PGM5: variants seen among roughly 807,000 people sequenced by gnomAD.
The protein encoded by PGM5 is phosphoglucomutase-like protein 5.
Under a neutral mutation model 59.2 loss-of-function variants are expected in PGM5, and 23 were observed. That is an observed-to-expected ratio of 0.39 (90% CI 0.28 to 0.55). PGM5 has a LOEUF of 0.55. PGM5 is among the 20% of genes least tolerant of loss of function. PGM5 has a pLI of 0.66. For missense variants in PGM5, 574 were observed against 748.3 expected, an observed-to-expected ratio of 0.77 and a Z score of 2.72; for synonymous variants, 214 against 286.0, an observed-to-expected ratio of 0.75 and a Z score of 2.54.
At chr9:68,418,171 GT>G (rs1385275824) in intron 6 of PGM5, among the ~76,000 whole-genome samples, 3 of 152,092 alleles carry the variant, frequency 2.0e-5, no homozygotes, top group African/African-American at 7.2e-5. Flanking sequence ...ATTCCATTTT[GT>G]TTGTTGAATT....
chr9:68,403,781 T>C (rs554839514), intron 6 of PGM5, among the ~76,000 whole-genome samples: 67 of 151,688 alleles, frequency 4.4e-4, no homozygotes, highest in Non-Finnish European at 9.0e-4. Flanking sequence ...GGTGTGGGGG[T>C]AGGGGTGGGG....
chr9:68,446,563 G>A (rs565350992), intron 6 of PGM5, among the ~76,000 whole-genome samples: 111 of 152,334 alleles, frequency 7.3e-4, no homozygotes, highest in African/African-American at 2.0e-3. Context: ...CGTGCTGTGC[G>A]TGTCTCTGTG....
At chr9:68,407,527 A>G (rs1341031736) in intron 6 of PGM5, among the ~76,000 whole-genome samples, 3 of 152,218 alleles carry the variant, frequency 2.0e-5, no homozygotes, top group Admixed American at 1.3e-4. Flanking sequence ...TAGAACACAT[A>G]TAGGACCCTA....
At chr9:68,386,318 A>G (rs1196199742) in intron 3 of PGM5, among the ~76,000 whole-genome samples, 2 of 152,140 alleles carry the variant, frequency 1.3e-5, no homozygotes, top group Admixed American at 1.3e-4. Flanking sequence ...GTTAATTTTT[A>G]ATTACTTCAT....
intron 6 of PGM5, among the ~76,000 whole-genome samples, chr9:68,453,418 A>T (rs541731037): frequency 6.6e-6 from 1 of 152,320 alleles, no homozygotes; most frequent in South Asian, 2.1e-4. Flanking sequence ...AGCTAACTGC[A>T]GCCTTGAACT....
intron 2 of PGM5, among the ~76,000 whole-genome samples, chr9:68,379,434 G>T (rs1244713247): frequency 1.3e-5 from 2 of 152,098 alleles, no homozygotes; most frequent in Non-Finnish European, 2.9e-5. Context: ...ATCCAAACAA[G>T]AAAGTGTATT....
intron 1 of PGM5, chr9:68,357,721 A>T (rs1181107541): frequency 5.5e-6 from 2 of 363,034 alleles, no homozygotes; most frequent in African/African-American, 4.4e-5. Context: ...ACATTCTCTT[A>T]CCCGGCCCTG....
intron 10 of PGM5, among the ~76,000 whole-genome samples, chr9:68,520,089 C>CAAA (rs34710126): frequency 8.5e-5 from 11 of 129,162 alleles, no homozygotes; most frequent in African/African-American, 2.1e-4. Context: ...GACCCTGTCT[C>CAAA]AAAAAAAAAA....
rs186473188 is a variant in PGM5 at position 68,421,160 on chromosome 9, C to A, written c.1043+28687C>A. Among the ~76,000 whole-genome samples, 3 of 152,336 alleles carry A rather than the reference C, an allele frequency of 2.0e-5. 1 individual carries two copies. The highest frequency in any genetic ancestry group is 3.9e-4 in the East Asian group (2 of 5,172). On this transcript the variant is annotated intron_variant, in intron 6 of 10. Transcript: ENST00000396396. Reference sequence around the variant, plus strand: ...AGACGAGGTGTGTACTGATCATTTTCACATTTGCACTCTGCCCCGTTCACT... The same window carrying A: ...AGACGAGGTGTGTACTGATCATTTTAACATTTGCACTCTGCCCCGTTCACT...
intron 6 of PGM5, among the ~76,000 whole-genome samples, chr9:68,415,813 A>G (rs1554681934): frequency 1.6e-5 from 2 of 126,250 alleles, no homozygotes. Flanking sequence ...CTATCTATCT[A>G]TCTTATCTAT....
At chr9:68,507,561 C>T (rs138330909) in intron 10 of PGM5, among the ~76,000 whole-genome samples, 44 of 150,294 alleles carry the variant, frequency 2.9e-4, no homozygotes, top group African/African-American at 1.0e-3. Context: ...ATGTGTCAGC[C>T]TTAAAATTTT....
intron 1 of PGM5, among the ~76,000 whole-genome samples, chr9:68,376,530 T>G (rs1278145544): frequency 1.3e-5 from 2 of 149,876 alleles, no homozygotes; most frequent in African/African-American, 4.9e-5. Context: ...TGTGTTTTGA[T>G]CTCTTCTGTA....
chr9:68,366,852 A>G (rs537207863), intron 1 of PGM5, among the ~76,000 whole-genome samples: 87 of 152,368 alleles, frequency 5.7e-4, no homozygotes, highest in African/African-American at 2.0e-3. Context: ...ATTTATTCAT[A>G]TAACACAATT....
chr9:68,381,640 G>A (rs28879098), intron 2 of PGM5, among the ~76,000 whole-genome samples: 39,063 of 145,508 alleles, frequency 0.27, 5,365 homozygotes, highest in Admixed American at 0.34. Context: ...TTCTACACAT[G>A]CACACACACA....
intron 9 of PGM5, 127 bp downstream of exon 9, chr9:68,484,175 A>C: frequency 1.3e-6 from 1 of 752,888 alleles, no homozygotes; most frequent in Non-Finnish European, 2.2e-6. Flanking sequence ...CTGTGCAGCC[A>C]GGAAAGAGGA....
chr9:68,401,620 G>C (rs1443554342), intron 6 of PGM5, among the ~76,000 whole-genome samples: 1 of 151,260 alleles, frequency 6.6e-6, no homozygotes, highest in Non-Finnish European at 1.5e-5. Flanking sequence ...TCCAGTCTCA[G>C]TGCCACCCAG....
In PGM5 at chr9:68,437,579, A is replaced by T. The variant is rs191223704; in HGVS notation, c.1044-27514A>T. ...ATTTTTCAAAGGGACACACACACTC[A>T]CACACACACACACACACACACTCTC... is the stretch of plus-strand genomic sequence containing the variant. On this transcript the variant is annotated intron_variant, in intron 6 of 10. Transcript: ENST00000396396. This position sits in a 1 kb window ranked among gnomAD's most constrained non-coding sequence, Gnocchi z 4.1. 0.017 allele frequency among the ~76,000 whole-genome samples: 2,513 copies of T among 144,058 alleles called. 21 individuals are homozygous for T. The highest frequency in any genetic ancestry group is 0.026 in the Non-Finnish European group (1,696 of 65,886). 94.5% of individuals were successfully genotyped at this position (144,058 alleles called of 152,430 possible). A position where few individuals can be genotyped will look rare whatever the true frequency, so the allele number is the denominator to read the frequency against.
chr9:68,515,964 G>C (rs759660880), intron 10 of PGM5, among the ~76,000 whole-genome samples: 1 of 152,180 alleles, frequency 6.6e-6, no homozygotes, highest in Admixed American at 6.5e-5. Context: ...TGCTTGCCCC[G>C]TATGGGGGCT....
At chr9:68,458,475 A>G (rs1823811848) in intron 6 of PGM5, among the ~76,000 whole-genome samples, 1 of 152,192 alleles carries the variant, frequency 6.6e-6, no homozygotes, top group Admixed American at 6.5e-5. Context: ...TTTTTCTTTT[A>G]AATATTCTTT....
Sources: allele counts gnomAD v4.1 joint callset (sites outside exome capture counted in the v4.1 genomes callset), GRCh38; gene constraint gnomAD v4.1.1; non-coding constraint Gnocchi (gnomAD v3.1); transcripts MANE v1.5; gene names NCBI Gene and HGNC (gene_info 2026-07-23, HGNC 2026-07-21).